DOCK2: variants seen among roughly 807,000 people sequenced by gnomAD.
The protein encoded by DOCK2 is dedicator of cytokinesis protein 2.
DOCK2 carries 87 observed loss-of-function variants against 248.9 expected under a neutral mutation model. That is an observed-to-expected ratio of 0.35 (90% CI 0.29 to 0.42). The LOEUF (loss-of-function observed/expected upper bound fraction) is 0.42. Ranked by LOEUF, DOCK2 falls within the 10% of genes least tolerant of loss-of-function variation. DOCK2 has a pLI of 1.00. For synonymous variants in DOCK2, 805 were observed against 821.6 expected, an observed-to-expected ratio of 0.98 and a Z score of 0.35; for missense variants, 1,747 against 2,300.2, an observed-to-expected ratio of 0.76 and a Z score of 4.92.
intron 27 of DOCK2, chr5:169,875,423 A>G (rs1772268430): frequency 2.5e-6 from 1 of 401,228 alleles, no homozygotes; most frequent in Admixed American, 2.9e-5. Flanking sequence ...GGCTGAGTGG[A>G]ACTCAGTGAC....
intron 29 of DOCK2, among the ~76,000 whole-genome samples, chr5:169,994,566 G>A (rs1006294003): frequency 6.6e-6 from 1 of 152,184 alleles, no homozygotes; most frequent in African/African-American, 2.4e-5. Context: ...TGGTGGGATG[G>A]TGGAAAACTA....
In DOCK2 at chr5:169,671,261, C is replaced by T. The variant is rs12656761; in HGVS notation, c.321+87C>T. ...GTTTTCATTTTAGCATTGAGTCAGG[C>T]AGGTGGAGGTGGCTTTGGTGACATA... On this transcript the variant is annotated intron_variant, in intron 5 of 51. Coordinates refer to ENST00000520908, the MANE Select transcript of DOCK2 (RefSeq NM_004946.3). 295,093 of 1,250,614 alleles carry T rather than the reference C, an allele frequency of 0.24. 36,751 individuals carry two copies. Among genetic ancestry groups the T allele is most frequent in the South Asian group, 0.3 (23,962 of 79,240 alleles). The allele number at this position is 1,250,614 out of a possible 1,614,324, so 77.5% of individuals were successfully genotyped here.
Position 169,848,650 on chromosome 5 carries a change from G to A in DOCK2, c.2799+7798G>A, listed in dbSNP as rs1272988301. The stretch of plus-strand genomic sequence containing the variant: ...AATCTGGTGATTTTGTTGAAATTGG[G>A]ATCTAGCCTTTATTTTGGGTAGTTA... On this transcript the variant is annotated intron_variant, in intron 27 of 51. Transcript: ENST00000520908. Among the ~76,000 whole-genome samples, 3 of 152,340 alleles carry A rather than the reference G, an allele frequency of 2.0e-5. No individual in the cohort carries two copies. The East Asian group carries it at 5.8e-4, about 29-fold the overall frequency.
intron 36 of DOCK2, among the ~76,000 whole-genome samples, chr5:170,037,359 T>G (rs546354393): frequency 1.3e-5 from 2 of 152,116 alleles, no homozygotes; most frequent in South Asian, 4.1e-4. Context: ...TATATCAACA[T>G]CATTTTTAAT....
At chr5:169,742,464 T>C (rs906937062) in intron 22 of DOCK2, among the ~76,000 whole-genome samples, 1 of 152,230 alleles carries the variant, frequency 6.6e-6, no homozygotes, top group Non-Finnish European at 1.5e-5. Context: ...CAGGCAGTGC[T>C]GCCTAAACTT....
chr5:169,821,288 G>C (rs566908240), intron 26 of DOCK2, among the ~76,000 whole-genome samples: 5 of 151,950 alleles, frequency 3.3e-5, no homozygotes. Context: ...GATACTCCTC[G>C]AGAAGAGCAA....
At chr5:169,917,408 G>A (rs1774933592) in intron 27 of DOCK2, among the ~76,000 whole-genome samples, 1 of 152,146 alleles carries the variant, frequency 6.6e-6, no homozygotes, top group African/African-American at 2.4e-5. Flanking sequence ...TAAAAATAGG[G>A]ATTCTAGAGT....
chr5:169,687,573 C>G (rs1760058176), intron 8 of DOCK2, among the ~76,000 whole-genome samples: 1 of 152,138 alleles, frequency 6.6e-6, no homozygotes. Flanking sequence ...AATCTTGTTC[C>G]TAATTTAAAA....
chr5:169,922,373 G>GT (rs1232813061), intron 27 of DOCK2, among the ~76,000 whole-genome samples: 1 of 152,192 alleles, frequency 6.6e-6, no homozygotes, highest in Non-Finnish European at 1.5e-5. Flanking sequence ...TAAAAATAAT[G>GT]TAATGTAAAT....
intron 30 of DOCK2, among the ~76,000 whole-genome samples, chr5:170,005,036 G>A (rs1305330094): frequency 6.9e-6 from 1 of 145,684 alleles, no homozygotes; most frequent in East Asian, 2.0e-4. Context: ...CCTGCACAAT[G>A]TGCACATGTA....
intron 27 of DOCK2, among the ~76,000 whole-genome samples, chr5:169,953,917 A>T (rs1036145739): frequency 1.3e-5 from 2 of 152,218 alleles, no homozygotes; most frequent in Non-Finnish European, 2.9e-5. Context: ...AATTGTAACT[A>T]CCTCAAGAAT....
chr5:169,758,863 G>T (rs922249238), intron 23 of DOCK2, among the ~76,000 whole-genome samples: 10 of 152,248 alleles, frequency 6.6e-5, no homozygotes, highest in Admixed American at 6.5e-4. Flanking sequence ...TAATTTTCAC[G>T]ATTTTTTACT....
At chr5:169,866,970 TC>T (rs933531949) in intron 27 of DOCK2, among the ~76,000 whole-genome samples, 7 of 152,090 alleles carry the variant, frequency 4.6e-5, no homozygotes, top group Non-Finnish European at 1.0e-4. Flanking sequence ...CCACAAGACT[TC>T]CCCCCACTTA....
intron 44 of DOCK2, among the ~76,000 whole-genome samples, chr5:170,063,618 C>A (rs1329192572): frequency 6.6e-6 from 1 of 152,170 alleles, no homozygotes; most frequent in Non-Finnish European, 1.5e-5. Flanking sequence ...TCTGTCTCAA[C>A]CTAGTGATAA....
intron 27 of DOCK2, among the ~76,000 whole-genome samples, chr5:169,847,848 A>G (rs973002021): frequency 1.3e-5 from 2 of 152,264 alleles, no homozygotes; most frequent in Non-Finnish European, 2.9e-5. Flanking sequence ...ACAGTGATGT[A>G]TGCAAGATAC....
At chr5:169,676,540 T>A (rs1421439296) in intron 6 of DOCK2, among the ~76,000 whole-genome samples, 1 of 152,180 alleles carries the variant, frequency 6.6e-6, no homozygotes, top group African/African-American at 2.4e-5. Flanking sequence ...TTCACCTGAC[T>A]GCTTCAGCTG....
At chr5:170,082,353 G>C (rs1041593066) in intron 51 of DOCK2, among the ~76,000 whole-genome samples, 1 of 152,184 alleles carries the variant, frequency 6.6e-6, no homozygotes, top group Admixed American at 6.5e-5. Flanking sequence ...GATTCTGCAA[G>C]TCCCATCTCC....
At position 169,712,180 on chromosome 5, in the gene DOCK2, G is replaced by A. The variant is rs761716354; in HGVS notation, c.1616G>A (p.Gly539Glu). 1.2e-6 allele frequency: 2 copies of A among 1,614,066 alleles called. No individual in the cohort carries two copies. The highest frequency in any genetic ancestry group is 1.1e-5 in the South Asian group (1 of 91,082). The change falls in exon 17 of 52, where the codon GGG becomes GAG. Residue 539 changes from glycine to glutamate, a missense_variant. Physicochemically the swap from Gly to Glu is moderately conservative, Grantham distance 98. Transcript: ENST00000520908. ...TATGTGAAGCTGATGAAAGAAGATG[G>A]GACTACTCTACACGATGGATTCCAT... is the stretch of plus-strand genomic sequence containing the variant. ...MSYVKLMKED[G>E]TTLHDGFHDL... is the part of the protein sequence containing the mutation.
intron 27 of DOCK2, among the ~76,000 whole-genome samples, chr5:169,842,939 T>C (rs760279928): frequency 3.9e-5 from 6 of 152,188 alleles, no homozygotes; most frequent in Admixed American, 2.6e-4. Flanking sequence ...CATCAATCTT[T>C]ACCAGGACAC....
Sources: allele counts gnomAD v4.1 joint callset (sites outside exome capture counted in the v4.1 genomes callset), GRCh38; gene constraint gnomAD v4.1.1; transcripts MANE v1.5; gene names NCBI Gene and HGNC (gene_info 2026-07-23, HGNC 2026-07-21).